The following REPS2 variants were observed in gnomAD, a reference collection of about 807,000 sequenced individuals.
REPS2 encodes the protein ralBP1-associated Eps domain-containing protein 2.
Under a neutral mutation model 53.6 loss-of-function variants are expected in REPS2, and 23 were observed. That is an observed-to-expected ratio of 0.43 (90% CI 0.31 to 0.61). REPS2 has a LOEUF of 0.61. Ranked by LOEUF, REPS2 falls within the 20% of genes least tolerant of loss-of-function variation. REPS2 has a pLI of 0.11. For synonymous variants in REPS2, 238 were observed against 218.6 expected (o/e 1.09, Z -0.78); for missense variants, 446 against 534.9 (o/e 0.83, Z 1.64).
chrX:17,106,203 G>A (rs772832031), intron 14 of REPS2, among the ~76,000 whole-genome samples: 78 of 111,333 alleles, frequency 7.0e-4, no homozygotes, highest in African/African-American at 2.4e-3. Context: ...CAAGCAGAGA[G>A]CCAAATCATG....
At chrX:16,963,819 C>T (rs1365121546) in intron 1 of REPS2, among the ~76,000 whole-genome samples, 1 of 110,943 alleles carries the variant, frequency 9.0e-6, no homozygotes, top group Non-Finnish European at 1.9e-5. Flanking sequence ...AGGAAGTGGT[C>T]AGGTGGAAGA....
At chrX:17,009,433 C>CT (rs1310638799) in intron 2 of REPS2, among the ~76,000 whole-genome samples, 40 of 91,897 alleles carry the variant, frequency 4.4e-4, no homozygotes, top group East Asian at 1.0e-3. Flanking sequence ...AGCCTCCCAA[C>CT]TTTTTTTTTT....
At position 16,956,284 on chromosome X, in the gene REPS2, G is replaced by GTTTTTTTT. The variant is rs869259012; in HGVS notation, c.273+9178_273+9185dup. Among the ~76,000 whole-genome samples the GTTTTTTTT allele has an allele frequency of 3.6e-4, 9 of 24,747 alleles. 2 individuals are homozygous for GTTTTTTTT. The highest frequency in any genetic ancestry group is 1.7e-3 in the Admixed American group (2 of 1,186). 21.5% of individuals were successfully genotyped at this position (24,747 alleles called of 115,157 possible). A position where few individuals can be genotyped will look rare whatever the true frequency, so the allele number is the denominator to read the frequency against. ...TGCATGTAAGCAAAAAACCACAGCA[G>GTTTTTTTT]TTTTTTTTTTTTTTTTTTTTTTTTT... On this transcript the variant is annotated intron_variant, in intron 1 of 17. Coordinates refer to ENST00000357277, the MANE Select transcript of REPS2 (RefSeq NM_004726.3).
intron 17 of REPS2, among the ~76,000 whole-genome samples, chrX:17,146,023 G>A (rs2078521725): frequency 9.3e-6 from 1 of 108,008 alleles, no homozygotes; most frequent in African/African-American, 3.4e-5. Context: ...GCAGGAGAAT[G>A]GCGTGAACCT....
In REPS2 at chrX:17,093,202, T is replaced by TAA. The variant is rs56940345; in HGVS notation, c.1517-10516_1517-10515insAA. ...TATATATATATATATATATATATAA[T>TAA]TTTTTTTTTGGAAAGAGTGGCAACT... is the stretch of plus-strand genomic sequence containing the variant. On this transcript the variant is annotated intron_variant, in intron 13 of 17. Transcript: ENST00000357277. Among the ~76,000 whole-genome samples, 39 of 13,150 alleles carry TAA rather than the reference T, an allele frequency of 3.0e-3. 1 individual carries two copies. The highest frequency in any genetic ancestry group is 0.016 in the South Asian group (2 of 129). The allele number at this position is 13,150 out of a possible 115,157, so 11.4% of individuals were successfully genotyped here.
At chrX:17,141,288 T>TACAAC (rs1471850043) in intron 17 of REPS2, among the ~76,000 whole-genome samples, 9 of 112,240 alleles carry the variant, frequency 8.0e-5, no homozygotes, top group Admixed American at 1.9e-4. Context: ...AGCGGTGTCT[T>TACAAC]ACAACTTATA....
At chrX:17,122,695 T>C (rs2063157290) in intron 14 of REPS2, among the ~76,000 whole-genome samples, 1 of 112,514 alleles carries the variant, frequency 8.9e-6, no homozygotes, top group African/African-American at 3.2e-5. Flanking sequence ...CAATGCTGAA[T>C]TTATTTTATG....
Position 16,946,958 on chromosome X carries a change from G to T in REPS2, c.97G>T (p.Gly33Cys). Residue 33 changes from glycine (G) to cysteine (C), a missense_variant, in exon 1 of 18, where the codon GGC (glycine) becomes TGC (cysteine). Transcript: ENST00000357277. ...GCCGCCGCCGCTGCTGCTGAGCGAG[G>T]GCGAGCAGCAGTGCTACTCCGAGCT... Reference protein sequence around the residue: ...SGPPPLLLSEGEQQCYSELFA... With the variant: ...SGPPPLLLSECEQQCYSELFA... 1 of 884,392 alleles carries T rather than the reference G, an allele frequency of 1.1e-6. No individual in the cohort carries two copies. 72.9% of individuals were successfully genotyped at this position (884,392 alleles called of 1,213,427 possible). A position where few individuals can be genotyped will look rare whatever the true frequency, so the allele number is the denominator to read the frequency against.
chrX:17,052,302 T>C, intron 6 of REPS2, 80 bp from the exon 7 acceptor site: 3 of 793,707 alleles, frequency 3.8e-6, no homozygotes, highest in Non-Finnish European at 5.5e-6. Context: ...AATGAAAAAA[T>C]TGTGATTCAT....
At chrX:17,008,992 A>G (rs1300437862) in intron 2 of REPS2, among the ~76,000 whole-genome samples, 2 of 111,134 alleles carry the variant, frequency 1.8e-5, no homozygotes, top group Admixed American at 1.9e-4. Context: ...CCTTAATAGA[A>G]TCCATCAAAA....
At chrX:17,180,523 G>T in the REPS2 span, among the ~76,000 whole-genome samples, 1 of 110,374 alleles carries the variant, frequency 9.1e-6, no homozygotes, top group Non-Finnish European at 1.9e-5. Context: ...CCTTAGTTCC[G>T]CATATCCAGT....
chrX:16,983,840 G>T (rs745671827), intron 1 of REPS2, among the ~76,000 whole-genome samples: 1 of 112,501 alleles, frequency 8.9e-6, no homozygotes, highest in Non-Finnish European at 1.9e-5. Context: ...TTGAGGCACT[G>T]AAGTTAAGTA....
At chrX:17,138,776 T>G in intron 16 of REPS2, 80 bp from the exon 17 acceptor site, 1 of 565,246 alleles carries the variant, frequency 1.8e-6, no homozygotes, top group South Asian at 4.4e-5. Context: ...GTTTAACACC[T>G]CTCATGAATC....
intron 5 of REPS2, among the ~76,000 whole-genome samples, chrX:17,039,876 T>G (rs983555893): frequency 1.8e-5 from 2 of 112,697 alleles, no homozygotes; most frequent in African/African-American, 6.4e-5. Flanking sequence ...TTACAGTGCC[T>G]GGCACTTAGC....
chrX:17,142,821 A>G lies in REPS2; in HGVS notation c.1914+3860A>G, dbSNP rs1322677497. Among the ~76,000 whole-genome samples, 4 of 111,808 alleles carry G rather than the reference A, an allele frequency of 3.6e-5. No homozygotes were observed. In the Admixed American group the frequency reaches 3.8e-4, roughly 11 times the overall value. The stretch of plus-strand genomic sequence containing the variant: ...AAGTTATACATACACTAACCATGTG[A>G]CCCAGCTGTCTCTCTACCTTAGTGA... On this transcript the variant is annotated intron_variant, in intron 17 of 17. Coordinates refer to ENST00000357277, the MANE Select transcript of REPS2 (RefSeq NM_004726.3).
intron 2 of REPS2, among the ~76,000 whole-genome samples, chrX:17,012,860 C>T (rs1256676191): frequency 1.8e-5 from 2 of 111,974 alleles, no homozygotes; most frequent in Admixed American, 1.9e-4. Flanking sequence ...ACATTGGCAA[C>T]TTTATGTTGG....
chrX:17,062,382 A>G, intron 8 of REPS2, 56 bp from the exon 9 acceptor site: 3 of 905,035 alleles, frequency 3.3e-6, no homozygotes, highest in South Asian at 4.4e-5. Flanking sequence ...GATGGGAAAC[A>G]CTGATTACTA....
At chrX:17,164,004 T>G in the REPS2 span, among the ~76,000 whole-genome samples, 1 of 112,203 alleles carries the variant, frequency 8.9e-6, no homozygotes, top group African/African-American at 3.2e-5. Context: ...TTGATGAACA[T>G]ATAATATATA....
In REPS2 at chrX:17,074,171, T is replaced by A; in HGVS notation, c.1379+12T>A. On this transcript the variant is annotated intron_variant, in intron 12 of 17. Transcript: ENST00000357277. ...AGACCAAGATCCAGGTAGTGTTCGT[T>A]TAATTTCTGCTTTAATGCCCTTTGT... The A allele has an allele frequency of 8.3e-7, 1 of 1,205,079 alleles. No homozygotes were observed.
Sources: gnomAD v4.1 joint callset for allele counts (sites outside exome capture counted in the v4.1 genomes callset) on GRCh38, gnomAD v4.1.1 for gene constraint, MANE v1.5 for transcripts, NCBI Gene and HGNC (gene_info 2026-07-23, HGNC 2026-07-21) for gene names.